FRMD4B: variants seen among roughly 807,000 people sequenced by gnomAD.
FRMD4B encodes the protein FERM domain containing 4B.
Under a neutral mutation model 141.5 loss-of-function variants are expected in FRMD4B, and 74 were observed. That is an observed-to-expected ratio of 0.52 (90% CI 0.43 to 0.63). FRMD4B has a LOEUF of 0.63. Ranked by LOEUF, FRMD4B falls within the 30% of genes least tolerant of loss-of-function variation. FRMD4B has a pLI of 0.00. For missense variants in FRMD4B, 1,366 were observed against 1,253.4 expected, an observed-to-expected ratio of 1.09 and a Z score of -1.36; for synonymous variants, 506 against 467.9, an observed-to-expected ratio of 1.08 and a Z score of -1.05.
intron 1 of FRMD4B, among the ~76,000 whole-genome samples, chr3:69,343,645 T>C (rs1288696981): frequency 2.7e-5 from 4 of 148,538 alleles, no homozygotes; most frequent in African/African-American, 1.0e-4. Context: ...AGTGGTGTGA[T>C]CCCGGCTCAC....
At chr3:69,192,103 G>A (rs2092844086) in intron 17 of FRMD4B, among the ~76,000 whole-genome samples, 1 of 152,116 alleles carries the variant, frequency 6.6e-6, no homozygotes, top group Non-Finnish European at 1.5e-5. Context: ...ACTAACCCAA[G>A]GCTGGGCGTG....
chr3:69,418,885 T>G (rs1439401741), intron 2 of FRMD4B, among the ~76,000 whole-genome samples: 5 of 152,210 alleles, frequency 3.3e-5, no homozygotes, highest in African/African-American at 1.2e-4. Flanking sequence ...ACATATATGT[T>G]GTTTAAGCTG....
chr3:69,285,478 A>G (rs565021177), intron 5 of FRMD4B, among the ~76,000 whole-genome samples: 30 of 152,254 alleles, frequency 2.0e-4, no homozygotes, highest in African/African-American at 7.2e-4. Flanking sequence ...AAGATGCTCA[A>G]TAAATGCCAA....
chr3:69,456,551 T>C (rs1220968087), intron 1 of FRMD4B, among the ~76,000 whole-genome samples: 2 of 152,148 alleles, frequency 1.3e-5, no homozygotes, highest in African/African-American at 2.4e-5. Context: ...CACAGCCCCC[T>C]CATTACTTTC....
At chr3:69,480,289 T>C (rs1027214120) in intron 1 of FRMD4B, among the ~76,000 whole-genome samples, 9 of 152,344 alleles carry the variant, frequency 5.9e-5, no homozygotes, top group East Asian at 1.9e-4. Context: ...CGCTCTGCTT[T>C]TTAGAGTTTC....
chr3:69,435,162 T>C (rs1024159061), intron 1 of FRMD4B, among the ~76,000 whole-genome samples: 1 of 152,170 alleles, frequency 6.6e-6, no homozygotes, highest in African/African-American at 2.4e-5. Context: ...GACTTCACTA[T>C]ATCAATCTAA....
chr3:69,184,525 G>A (rs1191716839), intron 19 of FRMD4B, among the ~76,000 whole-genome samples: 1 of 152,166 alleles, frequency 6.6e-6, no homozygotes, highest in Non-Finnish European at 1.5e-5. Context: ...TGCCAGTAGT[G>A]TAAGCAATGC....
At position 69,169,887 on chromosome 3, in the gene FRMD4B, C is replaced by T. The variant is rs930888488; in HGVS notation, c.*1974G>A. 6.6e-6 allele frequency: 1 copy of T among 152,160 alleles called. No homozygotes were observed. Among genetic ancestry groups the T allele is most frequent in the African/African-American group, 2.4e-5 (1 of 41,430 alleles). The allele number at this position is 152,160 out of a possible 1,614,324, so 9.4% of individuals were successfully genotyped here. A position where few individuals can be genotyped will look rare whatever the true frequency, so the allele number is the denominator to read the frequency against. Reference sequence around the variant, plus strand: ...GAATTTAGAAGACCTGTTTGCCAGTCTGTGAAATTAGTATAAATTACTTGC... The same window carrying T: ...GAATTTAGAAGACCTGTTTGCCAGTTTGTGAAATTAGTATAAATTACTTGC... On this transcript the variant is annotated 3_prime_UTR_variant, in exon 23 of 23. Transcript: ENST00000398540.
intron 1 of FRMD4B, among the ~76,000 whole-genome samples, chr3:69,452,886 A>G (rs1020045277): frequency 3.3e-5 from 5 of 152,252 alleles, no homozygotes; most frequent in African/African-American, 1.2e-4. Context: ...AAGTTTAGCA[A>G]TATATTTAAC....
intron 1 of FRMD4B, among the ~76,000 whole-genome samples, chr3:69,492,716 A>C (rs1343328607): frequency 6.6e-6 from 1 of 152,228 alleles, no homozygotes; most frequent in Non-Finnish European, 1.5e-5. Context: ...AATTACCCTT[A>C]GTGCTCCATT....
At chr3:69,390,513 T>C (rs1159488961), upstream of FRMD4B, among the ~76,000 whole-genome samples, 2 of 152,156 alleles carry the variant, frequency 1.3e-5, no homozygotes, top group African/African-American at 4.8e-5. Flanking sequence ...AAACATTATA[T>C]AATGCACTGG....
chr3:69,225,476 C>G (rs574492455), intron 7 of FRMD4B, among the ~76,000 whole-genome samples: 1 of 141,330 alleles, frequency 7.1e-6, no homozygotes, highest in African/African-American at 2.6e-5. Context: ...GAGATTGAGA[C>G]CATCCTGGCT....
intron 2 of FRMD4B, among the ~76,000 whole-genome samples, chr3:69,413,079 A>G (rs867139095): frequency 5.4e-4 from 82 of 152,104 alleles, no homozygotes; most frequent in African/African-American, 1.9e-3. Context: ...GTTCATTGCT[A>G]TACTCTTGAT....
chr3:69,314,641 C>T (rs975255715), intron 1 of FRMD4B, among the ~76,000 whole-genome samples: 6 of 151,848 alleles, frequency 4.0e-5, no homozygotes, highest in Non-Finnish European at 4.4e-5. Flanking sequence ...TTGAGACCAG[C>T]CTGGTCAACA....
chr3:69,386,121 C>A (rs1191780513), upstream of FRMD4B: 2 of 805,326 alleles, frequency 2.5e-6, no homozygotes, highest in Non-Finnish European at 3.8e-6. Flanking sequence ...CCACCAAACT[C>A]GTCTTTCACC....
intron 1 of FRMD4B, among the ~76,000 whole-genome samples, chr3:69,459,291 C>T (rs1270106637): frequency 6.6e-6 from 1 of 152,184 alleles, no homozygotes; most frequent in African/African-American, 2.4e-5. Flanking sequence ...TATTGCATTT[C>T]ACCTTTCTTA....
rs1575585389 is a variant in FRMD4B at position 69,480,319 on chromosome 3, T to C, written c.-128-47558A>G. On this transcript the variant is annotated intron_variant, in intron 1 of 5. Transcript: ENST00000459638. ...AGTTTCCAGTTTTTCTGCTCTGTTT[T>C]TTCCCCATCTTTGTGGTTTTATCTA... 2.0e-5 allele frequency among the ~76,000 whole-genome samples: 3 copies of C among 152,340 alleles called. No individual in the cohort carries two copies. In the South Asian group the frequency reaches 6.2e-4, roughly 32 times the overall value.
intron 4 of FRMD4B, among the ~76,000 whole-genome samples, chr3:69,297,360 C>G (rs1310779227): frequency 2.0e-5 from 3 of 152,008 alleles, no homozygotes; most frequent in Non-Finnish European, 2.9e-5. Context: ...TCTTCTCAGC[C>G]CTGAGTGTGG....
chr3:69,533,961 C>T (rs1478856413), intron 1 of FRMD4B, among the ~76,000 whole-genome samples: 1 of 152,212 alleles, frequency 6.6e-6, no homozygotes, highest in East Asian at 1.9e-4. Flanking sequence ...TCAATACATG[C>T]CCAAGAATCT....
Sources: allele counts gnomAD v4.1 joint callset (sites outside exome capture counted in the v4.1 genomes callset), GRCh38; gene constraint gnomAD v4.1.1; transcripts MANE v1.5; gene names NCBI Gene and HGNC (gene_info 2026-07-23, HGNC 2026-07-21).